ENOX1: variants seen among roughly 807,000 people sequenced by gnomAD.
ENOX1 encodes the protein ecto-NOX disulfide-thiol exchanger 1.
ENOX1 carries 42 observed loss-of-function variants against 82.5 expected under a neutral mutation model. That is an observed-to-expected ratio of 0.51 (90% CI 0.40 to 0.66). The LOEUF (loss-of-function observed/expected upper bound fraction) is 0.66, where lower values mean the gene tolerates loss of function less well. ENOX1 is among the 30% of genes least tolerant of loss of function. The pLI, the probability that ENOX1 is intolerant of heterozygous loss-of-function variation, is 0.00. For missense variants in ENOX1, 608 were observed against 811.6 expected, an observed-to-expected ratio of 0.75 and a Z score of 3.05; for synonymous variants, 271 against 282.2, an observed-to-expected ratio of 0.96 and a Z score of 0.40.
At chr13:43,515,692 C>T (rs1489556139) in intron 2 of ENOX1, among the ~76,000 whole-genome samples, 1 of 152,184 alleles carries the variant, frequency 6.6e-6, no homozygotes, top group Non-Finnish European at 1.5e-5. Context: ...TCAACCACTA[C>T]ACTATGCTAG....
intron 15 of ENOX1, among the ~76,000 whole-genome samples, chr13:43,227,361 T>C (rs193112290): frequency 6.6e-6 from 1 of 152,314 alleles, no homozygotes; most frequent in East Asian, 1.9e-4. Context: ...ATCCAGAACA[T>C]AGTACACATT....
chr13:43,785,781 G>A (rs1396651613), intron 1 of ENOX1, among the ~76,000 whole-genome samples: 1 of 152,142 alleles, frequency 6.6e-6, no homozygotes, highest in African/African-American at 2.4e-5. Context: ...AGAGGGCGGG[G>A]TTACGCCTTC....
intron 2 of ENOX1, among the ~76,000 whole-genome samples, chr13:43,587,776 G>T (rs776294966): frequency 2.0e-5 from 3 of 152,006 alleles, no homozygotes; most frequent in Non-Finnish European, 2.9e-5. Context: ...ATTTATGTGG[G>T]TACATAACAA....
chr13:43,265,661 A>C (rs2153479064), intron 13 of ENOX1, among the ~76,000 whole-genome samples: 1 of 152,348 alleles, frequency 6.6e-6, no homozygotes, highest in Non-Finnish European at 1.5e-5. Context: ...GCCTGGCAAA[A>C]GAATAAATGG....
Position 43,394,156 on chromosome 13 carries a change from T to A in ENOX1, c.208+17760A>T, listed in dbSNP as rs564684940. ...AACTGCCTAGTCTCAGGGATTCTTT[T>A]ACAGCAATACATAATGAACTAATAC... On this transcript the variant is annotated intron_variant, in intron 5 of 16. Transcript: ENST00000690772. 3.3e-5 allele frequency among the ~76,000 whole-genome samples: 5 copies of A among 152,362 alleles called. No homozygotes were observed. The East Asian group carries it at 9.6e-4, about 29-fold the overall frequency.
At chr13:43,297,093 A>C (rs555268068) in intron 12 of ENOX1, among the ~76,000 whole-genome samples, 1 of 152,354 alleles carries the variant, frequency 6.6e-6, no homozygotes, top group East Asian at 1.9e-4. Context: ...CACACTGTGA[A>C]CATCAACCAG....
In ENOX1 at chr13:43,513,128, G is replaced by A. The variant is rs575373512; in HGVS notation, c.-218-28976C>T. On this transcript the variant is annotated intron_variant, in intron 2 of 16. Transcript: ENST00000690772. ...GTTCAAGAGCAGCATGGTCAACATG[G>A]CGAAACCCTGTCTCTATTAAAAATA... is the stretch of plus-strand genomic sequence containing the variant. Among the ~76,000 whole-genome samples, 5 of 152,178 alleles carry A rather than the reference G, an allele frequency of 3.3e-5. No individual in the cohort carries two copies. The South Asian group carries it at 8.3e-4, about 25-fold the overall frequency.
intron 5 of ENOX1, among the ~76,000 whole-genome samples, chr13:43,410,941 T>C (rs563004344): frequency 2.0e-5 from 3 of 152,322 alleles, no homozygotes; most frequent in Admixed American, 1.3e-4. Context: ...ACCATACTTG[T>C]CTTGTTTACT....
intron 1 of ENOX1, among the ~76,000 whole-genome samples, chr13:43,755,908 T>C (rs1259063713): frequency 6.6e-6 from 1 of 152,152 alleles, no homozygotes; most frequent in African/African-American, 2.4e-5. Flanking sequence ...CAGCCCATGG[T>C]TCATTACCAA....
intron 1 of ENOX1, among the ~76,000 whole-genome samples, chr13:43,743,315 A>G (rs1006382568): frequency 1.3e-5 from 2 of 152,182 alleles, no homozygotes. Flanking sequence ...TACAAATTTT[A>G]CCACAAGACA....
At chr13:43,273,465 T>TTATGACAA (rs2044815342) in intron 12 of ENOX1, among the ~76,000 whole-genome samples, 1 of 152,214 alleles carries the variant, frequency 6.6e-6, no homozygotes, top group African/African-American at 2.4e-5. Flanking sequence ...ACATGCCAGC[T>TTATGACAA]GCTTCCATGA....
chr13:43,259,559 C>T (rs1367935176), intron 14 of ENOX1, among the ~76,000 whole-genome samples: 2 of 152,150 alleles, frequency 1.3e-5, no homozygotes, highest in South Asian at 2.1e-4. Flanking sequence ...ACCTCTGCCT[C>T]GTGAGTCCCA....
At chr13:43,231,650 C>G (rs1243654235) in intron 15 of ENOX1, among the ~76,000 whole-genome samples, 1 of 152,190 alleles carries the variant, frequency 6.6e-6, no homozygotes, top group African/African-American at 2.4e-5. Context: ...ACCTCTTCAT[C>G]CTTTAGGACT....
At chr13:43,615,379 G>A (rs908707731) in intron 2 of ENOX1, among the ~76,000 whole-genome samples, 3 of 152,148 alleles carry the variant, frequency 2.0e-5, no homozygotes, top group Non-Finnish European at 4.4e-5. Flanking sequence ...TATGTGTGTC[G>A]CATACATTTC....
chr13:43,687,697 C>T (rs1460773885), intron 1 of ENOX1, among the ~76,000 whole-genome samples: 8 of 152,160 alleles, frequency 5.3e-5, no homozygotes, highest in Non-Finnish European at 1.2e-4. Context: ...GCTGGATATT[C>T]AGCAAGACTC....
At chr13:43,488,675 G>A (rs1015640708) in intron 2 of ENOX1, among the ~76,000 whole-genome samples, 4 of 152,160 alleles carry the variant, frequency 2.6e-5, no homozygotes, top group African/African-American at 9.7e-5. Context: ...TTGTGGTGAG[G>A]GCTAAGAAGA....
intron 3 of ENOX1, among the ~76,000 whole-genome samples, chr13:43,434,937 G>GTTTTTTTTTTT (rs537775258): frequency 1.3e-4 from 10 of 75,892 alleles, no homozygotes; most frequent in East Asian, 1.0e-3. Context: ...TGTGTGTGTG[G>GTTTTTTTTTTT]TTTTTTTTTT....
Position 43,229,462 on chromosome 13 carries a change from TG to T in ENOX1, c.1715-5325del, listed in dbSNP as rs199956219. 3.0e-3 allele frequency among the ~76,000 whole-genome samples: 454 copies of T among 152,194 alleles called. 1 individual carries two copies. The highest frequency in any genetic ancestry group is 0.01 in the African/African-American group (426 of 41,524). Reference sequence around the variant, plus strand: ...AGTGAGCTGGCAGAACACACTGGGCTGGAGAGTGGCACATGTGTTTAGAGGT... The same window carrying T: ...AGTGAGCTGGCAGAACACACTGGGCTGAGAGTGGCACATGTGTTTAGAGGT... On this transcript the variant is annotated intron_variant, in intron 15 of 16. Coordinates refer to ENST00000690772, the MANE Select transcript of ENOX1 (RefSeq NM_001347969.2).
chr13:43,487,703 C>T (rs1454520066), intron 2 of ENOX1, among the ~76,000 whole-genome samples: 1 of 152,128 alleles, frequency 6.6e-6, no homozygotes, highest in Admixed American at 6.5e-5. Flanking sequence ...GTGACCTTTC[C>T]TGGGTGTTGT....
Sources: allele counts gnomAD v4.1 joint callset (sites outside exome capture counted in the v4.1 genomes callset), GRCh38; gene constraint gnomAD v4.1.1; transcripts MANE v1.5; gene names NCBI Gene and HGNC (gene_info 2026-07-23, HGNC 2026-07-21).